The following DPH6 variants were observed in gnomAD, a reference collection of about 807,000 sequenced individuals.
The protein encoded by DPH6 is diphthine--ammonia ligase.
Under a neutral mutation model 38.2 loss-of-function variants are expected in DPH6, and 33 were observed. The ratio of observed to expected loss-of-function variants is 0.86; its 90% CI spans 0.65 to 1.15. The LOEUF is 1.15. Ranked by LOEUF, DPH6 falls within the 50% of genes most tolerant of loss-of-function variation. DPH6 has a pLI of 0.00. For synonymous variants in DPH6, 108 were observed against 103.0 expected (o/e 1.05, Z -0.30); for missense variants, 325 against 320.0 (o/e 1.02, Z -0.12).
At chr15:35,237,457 G>A (rs2051561404) in intron 3 of DPH6, 3 of 1,600,350 alleles carry the variant, frequency 1.9e-6, no homozygotes, top group Admixed American at 1.7e-5. Context: ...CTGAATAACT[G>A]GAATTCTTCA....
At chr15:35,193,887 C>G in the DPH6 span, among the ~76,000 whole-genome samples, 1 of 152,078 alleles carries the variant, frequency 6.6e-6, no homozygotes, top group Non-Finnish European at 1.5e-5. Context: ...GAAAATGATA[C>G]CCACCAAGGG....
chr15:35,401,588 A>G (rs1485705154), intron 6 of DPH6: 9 of 767,554 alleles, frequency 1.2e-5, no homozygotes, highest in African/African-American at 6.8e-5. Context: ...GGAAGCTACA[A>G]TGATTTTGGC....
At chr15:35,353,327 T>G (rs529554643) in intron 3 of DPH6, among the ~76,000 whole-genome samples, 1 of 152,260 alleles carries the variant, frequency 6.6e-6, no homozygotes, top group Non-Finnish European at 1.5e-5. Flanking sequence ...CCATTGCTTT[T>G]GGTGTTTTAG....
At chr15:35,380,350 T>C (rs2052847198) in intron 7 of DPH6, among the ~76,000 whole-genome samples, 1 of 152,206 alleles carries the variant, frequency 6.6e-6, no homozygotes, top group Non-Finnish European at 1.5e-5. Flanking sequence ...GCCTACAAAA[T>C]GAGGAGGTTG....
chr15:35,506,197 A>T (rs1595426842), intron 3 of DPH6, among the ~76,000 whole-genome samples: 4 of 152,330 alleles, frequency 2.6e-5, no homozygotes, highest in Non-Finnish European at 5.9e-5. Flanking sequence ...TTAATTAAAA[A>T]TAACACAAAT....
intron 3 of DPH6, among the ~76,000 whole-genome samples, chr15:35,278,643 A>G (rs529019648): frequency 3.3e-5 from 5 of 152,326 alleles, no homozygotes; most frequent in Non-Finnish European, 5.9e-5. Context: ...AGCCACAGGC[A>G]CTGGACTCTA....
Position 35,371,950 on chromosome 15 carries a change from G to C in DPH6, c.*200C>G. 7.9e-7 allele frequency: 1 copy of C among 1,262,116 alleles called. No homozygotes were observed. The highest frequency in any genetic ancestry group is 1.0e-6 in the Non-Finnish European group (1 of 997,832). 78.2% of individuals were successfully genotyped at this position (1,262,116 alleles called of 1,614,324 possible). On this transcript the variant is annotated 3_prime_UTR_variant, in exon 9 of 9. Transcript: ENST00000256538. ...AAGAGAAAGAGTGAATTCCAAGAAAGTTGGCACTATTAATGAACATGCCGT... is the reference window on the plus strand; with the variant it reads ...AAGAGAAAGAGTGAATTCCAAGAAACTTGGCACTATTAATGAACATGCCGT...
At chr15:35,445,395 C>CA (rs11331685) in intron 5 of DPH6, among the ~76,000 whole-genome samples, 18,297 of 125,292 alleles carry the variant, frequency 0.15, 1,278 homozygotes, top group East Asian at 0.2. Flanking sequence ...TCATCATCAT[C>CA]AAAAAAAAAA....
intron 5 of DPH6, among the ~76,000 whole-genome samples, chr15:35,437,270 G>A (rs926186285): frequency 6.6e-6 from 1 of 152,068 alleles, no homozygotes; most frequent in Admixed American, 6.5e-5. Flanking sequence ...TCTTTTGAAT[G>A]CACCCTGAGT....
rs1353792195 is a variant in DPH6, at chr15:35,520,220, C to CAAA, written c.312+18051_312+18053dup. On this transcript the variant is annotated intron_variant, in intron 3 of 8. Coordinates refer to ENST00000256538, the MANE Select transcript of DPH6 (RefSeq NM_080650.4). ...CTCTCACGTGAAAGTAAACATGCTACAAAAAAAAACAAAAAAAAAACAAAA... is the reference window on the plus strand; with the variant it reads ...CTCTCACGTGAAAGTAAACATGCTACAAAAAAAAAAAACAAAAAAAAAACAAAA... 256 of 444,532 alleles carry CAAA rather than the reference C, an allele frequency of 5.8e-4. 1 individual carries two copies. The highest frequency in any genetic ancestry group is 1.2e-3 in the Middle Eastern group (1 of 848). 27.5% of individuals were successfully genotyped at this position (444,532 alleles called of 1,614,324 possible). A position where few individuals can be genotyped will look rare whatever the true frequency, so the allele number is the denominator to read the frequency against.
intron 5 of DPH6, among the ~76,000 whole-genome samples, chr15:35,447,178 C>T (rs1397873966): frequency 6.6e-6 from 1 of 152,144 alleles, no homozygotes; most frequent in African/African-American, 2.4e-5. Context: ...TAGAGCTATA[C>T]ATCACCAATT....
rs1188103597 is a variant in DPH6, at chr15:35,467,319, C to A, written c.313-12499G>T. Among the ~76,000 whole-genome samples, 5 of 152,172 alleles carry A rather than the reference C, an allele frequency of 3.3e-5. 1 individual carries two copies. The highest frequency in any genetic ancestry group is 3.3e-4 in the Admixed American group (5 of 15,274). On this transcript the variant is annotated intron_variant, in intron 3 of 8. Coordinates refer to ENST00000256538, the MANE Select transcript of DPH6 (RefSeq NM_080650.4). ...GTGGCTCATGCCCGTAATCCCAGCA[C>A]TTTGGGAGGCCAAGGCAGGCAGATC...
At chr15:35,534,377 CAAA>C (rs55974798) in intron 3 of DPH6, among the ~76,000 whole-genome samples, 14 of 104,206 alleles carry the variant, frequency 1.3e-4, no homozygotes, top group Non-Finnish European at 1.2e-4. Flanking sequence ...AACTCTGTCT[CAAA>C]AAAAAAAAAA....
At chr15:35,407,261 T>A (rs543966703) in intron 6 of DPH6, among the ~76,000 whole-genome samples, 39 of 151,556 alleles carry the variant, frequency 2.6e-4, no homozygotes, top group African/African-American at 9.2e-4. Context: ...CATTTTTTTT[T>A]AAAGAAGGTT....
intron 3 of DPH6, among the ~76,000 whole-genome samples, chr15:35,457,790 C>T (rs1003387126): frequency 1.3e-5 from 2 of 152,182 alleles, no homozygotes; most frequent in African/African-American, 4.8e-5. Flanking sequence ...GTATCCAGCA[C>T]CTGGTAAGCA....
At chr15:35,270,014 G>A (rs1282687321) in intron 3 of DPH6, among the ~76,000 whole-genome samples, 2 of 119,572 alleles carry the variant, frequency 1.7e-5, no homozygotes, top group Non-Finnish European at 3.2e-5. Flanking sequence ...GGATGGTCTC[G>A]ATCTCCGATC....
chr15:35,287,490 A>G (rs2051951374), intron 3 of DPH6, among the ~76,000 whole-genome samples: 1 of 152,164 alleles, frequency 6.6e-6, no homozygotes, highest in African/African-American at 2.4e-5. Context: ...GTAGGGCATT[A>G]TTAGTTTCGT....
intron 3 of DPH6, among the ~76,000 whole-genome samples, chr15:35,462,210 T>C (rs1250821903): frequency 6.6e-6 from 1 of 152,082 alleles, no homozygotes; most frequent in Non-Finnish European, 1.5e-5. Context: ...TTAATTTGAC[T>C]ATTACCATAG....
chr15:35,452,839 AT>A (rs1281902649), intron 4 of DPH6, among the ~76,000 whole-genome samples: 58 of 152,244 alleles, frequency 3.8e-4, no homozygotes, highest in African/African-American at 1.4e-3. Flanking sequence ...GAGCCATGAT[AT>A]TTTGAACTGT....
Sources: allele counts gnomAD v4.1 joint callset (sites outside exome capture counted in the v4.1 genomes callset), GRCh38; gene constraint gnomAD v4.1.1; transcripts MANE v1.5; gene names NCBI Gene and HGNC (gene_info 2026-07-23, HGNC 2026-07-21).